The following SLC8A1 variants were observed in gnomAD, a reference collection of about 807,000 sequenced individuals.
SLC8A1 encodes sodium/calcium exchanger 1.
SLC8A1 carries 18 observed loss-of-function variants against 68.3 expected under a neutral mutation model. That is an observed-to-expected ratio of 0.26 (90% CI 0.18 to 0.39). The LOEUF (loss-of-function observed/expected upper bound fraction) is 0.39. Ranked by LOEUF, SLC8A1 falls within the 10% of genes least tolerant of loss-of-function variation. SLC8A1 has a pLI of 1.00. For synonymous variants in SLC8A1, 475 were observed against 415.5 expected (o/e 1.14, Z -1.74); for missense variants, 985 against 1,156.7 (o/e 0.85, Z 2.15).
intron 2 of SLC8A1, among the ~76,000 whole-genome samples, chr2:40,321,931 C>T (rs1402015224): frequency 2.0e-5 from 3 of 152,170 alleles, no homozygotes; most frequent in Non-Finnish European, 4.4e-5. Flanking sequence ...TAAACCTCTA[C>T]TGTCTGATTC....
At chr2:40,354,706 T>G (rs909735995) in intron 2 of SLC8A1, among the ~76,000 whole-genome samples, 1 of 152,142 alleles carries the variant, frequency 6.6e-6, no homozygotes, top group African/African-American at 2.4e-5. Context: ...GTGTTTTAAG[T>G]TGTATAAATC....
chr2:40,174,646 T>G, intron 4 of SLC8A1, 60 bp downstream of exon 6: 1 of 1,379,942 alleles, frequency 7.2e-7, no homozygotes, highest in Non-Finnish European at 1.0e-6. Context: ...GATGTAGGTT[T>G]GGATTGATGG....
At chr2:40,174,827 G>A in exon 4 of SLC8A1, 2 of 1,609,248 alleles carry the variant, frequency 1.2e-6, no homozygotes, top group East Asian at 2.2e-5. Context: ...ATTCATACCT[G>A]TTATTGTGAA....
At chr2:40,216,668 T>C (rs900411309) in intron 2 of SLC8A1, among the ~76,000 whole-genome samples, 4 of 152,188 alleles carry the variant, frequency 2.6e-5, no homozygotes, top group African/African-American at 9.6e-5. Flanking sequence ...GTCTCTATTG[T>C]TTCTTGACTT....
intron 6 of SLC8A1, among the ~76,000 whole-genome samples, chr2:40,145,112 C>T (rs982308934): frequency 1.4e-4 from 22 of 152,174 alleles, no homozygotes; most frequent in African/African-American, 5.3e-4. Flanking sequence ...ACCACTGCTT[C>T]ATTCCTATCT....
rs1243578444 is a variant in SLC8A1, at chr2:40,334,020, C to G, written c.1808+94453G>C. On this transcript the variant is annotated intron_variant, in intron 2 of 7. Coordinates refer to ENST00000406785, the Ensembl canonical transcript of SLC8A1. ...CCGAGATGGCACCATTGCATTCAGC[C>G]TGGGCAACAAGAGAGAAACTCCATC... is the stretch of plus-strand genomic sequence containing the variant. Among the ~76,000 whole-genome samples, 4 of 152,110 alleles carry G rather than the reference C, an allele frequency of 2.6e-5. No individual in the cohort carries two copies. The East Asian group carries it at 7.7e-4, about 29-fold the overall frequency.
chr2:40,408,006 G>A (rs192468780), intron 2 of SLC8A1, among the ~76,000 whole-genome samples: 1 of 152,238 alleles, frequency 6.6e-6, no homozygotes, highest in East Asian at 1.9e-4. Context: ...GCATCACAGA[G>A]CATATCCCAT....
intron 2 of SLC8A1, among the ~76,000 whole-genome samples, chr2:40,374,266 C>G (rs923757125): frequency 1.3e-5 from 2 of 152,180 alleles, no homozygotes; most frequent in African/African-American, 2.4e-5. Flanking sequence ...AATCACAGCA[C>G]TTTGGAAGGC....
At chr2:40,139,765 C>G in intron 6 of SLC8A1, 89 bp from the exon 10 acceptor site, 1 of 1,378,344 alleles carries the variant, frequency 7.3e-7, no homozygotes, top group Admixed American at 2.0e-5. Context: ...GGTCGGTCAT[C>G]CCTCCACTCT....
intron 1 of SLC8A1, among the ~76,000 whole-genome samples, chr2:40,461,010 A>C (rs923078268): frequency 6.6e-6 from 1 of 152,172 alleles, no homozygotes; most frequent in African/African-American, 2.4e-5. Flanking sequence ...AAGGACTCTA[A>C]ACAACTACTG....
At chr2:40,244,069 A>G (rs1316557314) in intron 2 of SLC8A1, among the ~76,000 whole-genome samples, 1 of 152,048 alleles carries the variant, frequency 6.6e-6, no homozygotes, top group Admixed American at 6.5e-5. Flanking sequence ...TGAACATCTG[A>G]GCAATTTAAT....
chr2:40,477,916 A>G (rs1704391241), intron 1 of SLC8A1, among the ~76,000 whole-genome samples: 1 of 152,160 alleles, frequency 6.6e-6, no homozygotes, highest in African/African-American at 2.4e-5. Context: ...TTTGGACTGA[A>G]GCTCAGGGAA....
intron 1 of SLC8A1, among the ~76,000 whole-genome samples, chr2:40,475,626 A>G (rs1453380339): frequency 6.6e-6 from 1 of 152,080 alleles, no homozygotes; most frequent in African/African-American, 2.4e-5. Flanking sequence ...ATATACATAC[A>G]TGTACACATA....
intron 1 of SLC8A1, among the ~76,000 whole-genome samples, chr2:40,491,863 G>T (rs1705337632): frequency 6.6e-6 from 1 of 152,086 alleles, no homozygotes; most frequent in African/African-American, 2.4e-5. Flanking sequence ...ACAAATGGAA[G>T]AACATTCCAT....
chr2:40,240,671 C>G (rs1273263760), intron 2 of SLC8A1, among the ~76,000 whole-genome samples: 2 of 152,170 alleles, frequency 1.3e-5, no homozygotes, highest in African/African-American at 4.8e-5. Context: ...ATAATTCATT[C>G]CATAAATATT....
At chr2:40,327,246 G>T (rs190874131) in intron 2 of SLC8A1, among the ~76,000 whole-genome samples, 26 of 152,216 alleles carry the variant, frequency 1.7e-4, no homozygotes, top group Middle Eastern at 3.4e-3. Context: ...TTTAAAAGTT[G>T]CATGATTCCA....
At chr2:40,431,113 A>AG in intron 1 of SLC8A1, among the ~76,000 whole-genome samples, 1 of 152,252 alleles carries the variant, frequency 6.6e-6, no homozygotes, top group Non-Finnish European at 1.5e-5. Flanking sequence ...CTGGTTCTTC[A>AG]AGCACAGCTC....
chr2:40,412,002 G>C (rs985933871), intron 2 of SLC8A1, among the ~76,000 whole-genome samples: 1 of 152,068 alleles, frequency 6.6e-6, no homozygotes, highest in Non-Finnish European at 1.5e-5. Context: ...CATTGATATA[G>C]AAAAATTTAC....
At chr2:40,385,104 G>T (rs2149571892) in intron 2 of SLC8A1, among the ~76,000 whole-genome samples, 1 of 152,112 alleles carries the variant, frequency 6.6e-6, no homozygotes, top group African/African-American at 2.4e-5. Context: ...AACTCTTATA[G>T]TACTTTTGAT....
Sources: allele counts gnomAD v4.1 joint callset (sites outside exome capture counted in the v4.1 genomes callset), GRCh38; gene constraint gnomAD v4.1.1; transcripts MANE v1.5; gene names NCBI Gene and HGNC (gene_info 2026-07-23, HGNC 2026-07-21).